Variants in IQCM observed in about 807,000 individuals in gnomAD.
IQCM encodes IQ domain-containing protein M.
A neutral mutation model predicts 57.6 loss-of-function variants in IQCM; 45 were observed. The observed-to-expected ratio is 0.78, with a 90% CI of 0.62 to 1.00. IQCM has a LOEUF of 1.00. Ranked by LOEUF, IQCM falls within the 50% of genes least tolerant of loss-of-function variation. The probability of loss-of-function intolerance (pLI) is 0.00; values close to 1 mark genes in which losing one functional copy is unlikely to be tolerated. For synonymous variants in IQCM, 148 were observed against 158.9 expected, an observed-to-expected ratio of 0.93 and a Z score of 0.51; for missense variants, 468 against 511.6, an observed-to-expected ratio of 0.91 and a Z score of 0.82.
chr4:149,810,424 G>C (rs542198479), intron 2 of IQCM, among the ~76,000 whole-genome samples: 6 of 149,364 alleles, frequency 4.0e-5, no homozygotes, highest in African/African-American at 1.2e-4. Context: ...CCTATTAATA[G>C]AGGGATACAT....
At chr4:149,674,013 T>C (rs1761537372) in intron 7 of IQCM, among the ~76,000 whole-genome samples, 1 of 152,102 alleles carries the variant, frequency 6.6e-6, no homozygotes, top group South Asian at 2.1e-4. Flanking sequence ...TTCTTGCCAG[T>C]TTGGTCAGGT....
intron 5 of IQCM, among the ~76,000 whole-genome samples, chr4:149,720,775 C>A (rs976747837): frequency 2.6e-5 from 4 of 151,184 alleles, no homozygotes; most frequent in Non-Finnish European, 2.9e-5. Context: ...GTGATAATCT[C>A]TCAAGAGATT....
intron 8 of IQCM, among the ~76,000 whole-genome samples, chr4:149,609,586 C>T (rs1366533135): frequency 6.6e-6 from 1 of 151,784 alleles, no homozygotes; most frequent in Non-Finnish European, 1.5e-5. Context: ...GCAAAACACA[C>T]AGATTAATGA....
intron 8 of IQCM, among the ~76,000 whole-genome samples, chr4:149,599,243 G>A (rs767692539): frequency 2.0e-5 from 3 of 152,106 alleles, no homozygotes; most frequent in Admixed American, 6.6e-5. Flanking sequence ...TGATGGAAAT[G>A]AATGAACCAT....
intron 12 of IQCM, among the ~76,000 whole-genome samples, chr4:149,453,147 CAA>C (rs1290217865): frequency 1.3e-5 from 2 of 151,210 alleles, no homozygotes; most frequent in African/African-American, 4.8e-5. Context: ...CTAAAAACTG[CAA>C]AAGAATAAAT....
chr4:149,726,127 G>GAAAGA, intron 5 of IQCM, among the ~76,000 whole-genome samples: 1 of 142,276 alleles, frequency 7.0e-6, no homozygotes, highest in South Asian at 2.3e-4. Context: ...AAGAAAGAAA[G>GAAAGA]AAAGAAAGAA....
chr4:149,463,947 C>T (rs1264840001), intron 12 of IQCM, among the ~76,000 whole-genome samples: 5 of 152,092 alleles, frequency 3.3e-5, no homozygotes, highest in African/African-American at 1.2e-4. Flanking sequence ...ATAAGTAGGA[C>T]CTTTTTCGAA....
At chr4:149,567,156 T>A (rs1171022055) in intron 9 of IQCM, among the ~76,000 whole-genome samples, 1 of 152,134 alleles carries the variant, frequency 6.6e-6, no homozygotes, top group Non-Finnish European at 1.5e-5. Context: ...ATTGTGCTTG[T>A]GAATCTTTTT....
intron 7 of IQCM, among the ~76,000 whole-genome samples, chr4:149,656,692 T>C (rs1759665638): frequency 6.6e-6 from 1 of 152,154 alleles, no homozygotes; most frequent in South Asian, 2.1e-4. Flanking sequence ...TTTGCTCTGA[T>C]ACTGAGCAAT....
At chr4:149,419,956 C>G (rs1404480281) in intron 13 of IQCM, among the ~76,000 whole-genome samples, 1 of 152,042 alleles carries the variant, frequency 6.6e-6, no homozygotes, top group African/African-American at 2.4e-5. Context: ...TATCTCACAC[C>G]AGTAAGAATG....
intron 12 of IQCM, among the ~76,000 whole-genome samples, chr4:149,437,540 A>G (rs1735486061): frequency 6.6e-6 from 1 of 151,972 alleles, no homozygotes; most frequent in South Asian, 2.1e-4. Flanking sequence ...TTCAGGGTGG[A>G]TGAGGAGTTT....
chr4:149,514,091 TA>T (rs951084910), intron 12 of IQCM, among the ~76,000 whole-genome samples: 2 of 150,804 alleles, frequency 1.3e-5, no homozygotes, highest in African/African-American at 2.4e-5. Flanking sequence ...GAGAAGAATG[TA>T]AAAAAAAAGA....
chr4:149,364,069 C>A (rs892631051), intron 13 of IQCM, among the ~76,000 whole-genome samples: 1 of 151,938 alleles, frequency 6.6e-6, no homozygotes, highest in South Asian at 2.1e-4. Context: ...GCATAAGAAC[C>A]CTTTCCAATT....
At chr4:149,454,526 A>C (rs952967222) in intron 12 of IQCM, among the ~76,000 whole-genome samples, 1 of 151,904 alleles carries the variant, frequency 6.6e-6, no homozygotes, top group African/African-American at 2.4e-5. Context: ...TATGCTTATT[A>C]TCTTAGTGAT....
chr4:149,424,565 C>G (rs1734337670), intron 13 of IQCM, among the ~76,000 whole-genome samples: 1 of 151,648 alleles, frequency 6.6e-6, no homozygotes, highest in South Asian at 2.1e-4. Context: ...TTCACAAAAT[C>G]TAGATATTAA....
intron 2 of IQCM, among the ~76,000 whole-genome samples, chr4:149,808,099 T>A (rs1190622832): frequency 6.6e-6 from 1 of 152,132 alleles, no homozygotes; most frequent in African/African-American, 2.4e-5. Flanking sequence ...ATTGGTATAT[T>A]TAAGAGATAT....
intron 12 of IQCM, among the ~76,000 whole-genome samples, chr4:149,526,907 A>G (rs1308412715): frequency 6.6e-6 from 1 of 152,090 alleles, no homozygotes; most frequent in Non-Finnish European, 1.5e-5. Flanking sequence ...AATTTATTAC[A>G]AAAATTTTTA....
At chr4:149,575,946 T>C (rs984496581) in intron 9 of IQCM, among the ~76,000 whole-genome samples, 3 of 151,756 alleles carry the variant, frequency 2.0e-5, no homozygotes, top group Non-Finnish European at 4.4e-5. Context: ...TTCCAACAGA[T>C]TTTCCTCAAA....
chr4:149,364,731 A>C (rs945421515), intron 13 of IQCM, among the ~76,000 whole-genome samples: 1 of 152,208 alleles, frequency 6.6e-6, no homozygotes, highest in African/African-American at 2.4e-5. Flanking sequence ...AATGTAGCTT[A>C]TAGAATATTG....
Sources: allele counts gnomAD v4.1 joint callset (sites outside exome capture counted in the v4.1 genomes callset), GRCh38; gene constraint gnomAD v4.1.1; transcripts MANE v1.5; gene names NCBI Gene and HGNC (gene_info 2026-07-23, HGNC 2026-07-21).